CACNA1A: variants seen among roughly 807,000 people sequenced by gnomAD.
The protein encoded by CACNA1A is calcium voltage-gated channel subunit alpha1 A.
In CACNA1A, 57 loss-of-function variants were observed where a neutral mutation model predicts 262.4. That is an observed-to-expected ratio of 0.22 (90% confidence interval 0.18 to 0.27). The LOEUF (loss-of-function observed/expected upper bound fraction) is 0.27, where lower values mean the gene tolerates loss of function less well. CACNA1A is among the 10% of genes least tolerant of loss of function. The pLI, the probability that CACNA1A is intolerant of heterozygous loss-of-function variation, is 1.00. For synonymous variants in CACNA1A, 1,431 were observed against 1,419.3 expected, an observed-to-expected ratio of 1.01 and a Z score of -0.18; for missense variants, 2,526 against 3,562.8, an observed-to-expected ratio of 0.71 and a Z score of 7.41.
intron 29 of CACNA1A, among the ~76,000 whole-genome samples, chr19:13,254,809 C>T (rs891513100): frequency 4.6e-5 from 7 of 152,030 alleles, no homozygotes; most frequent in East Asian, 1.9e-4. Context: ...TTGTGGCAGG[C>T]GACATAAAGA....
At chr19:13,455,869 CAAAAAAAAA>C (rs766436872) in intron 1 of CACNA1A, among the ~76,000 whole-genome samples, 2 of 76,136 alleles carry the variant, frequency 2.6e-5, no homozygotes, top group Non-Finnish European at 2.9e-5. Context: ...GGCCCTGTCT[CAAAAAAAAA>C]AAAAAAAAAA....
chr19:13,428,551 CT>C (rs1414512905), intron 3 of CACNA1A, among the ~76,000 whole-genome samples: 1 of 152,180 alleles, frequency 6.6e-6, no homozygotes, highest in Non-Finnish European at 1.5e-5. Context: ...AGCAGGCCCC[CT>C]AGTGGGCATA....
At chr19:13,220,002 A>G (rs916741174) in intron 38 of CACNA1A, among the ~76,000 whole-genome samples, 2 of 151,882 alleles carry the variant, frequency 1.3e-5, no homozygotes, top group Admixed American at 6.6e-5. Context: ...TCACTCCTGT[A>G]ATCCCAGCAC....
At chr19:13,234,116 G>A (rs1460899888) in intron 34 of CACNA1A, among the ~76,000 whole-genome samples, 10 of 149,262 alleles carry the variant, frequency 6.7e-5, no homozygotes, top group Non-Finnish European at 1.5e-4. Flanking sequence ...TTGGGAGGCC[G>A]AGGCGGGCGG....
chr19:13,445,734 T>C (rs2060797871), intron 3 of CACNA1A, among the ~76,000 whole-genome samples: 1 of 152,278 alleles, frequency 6.6e-6, no homozygotes, highest in Non-Finnish European at 1.5e-5. Flanking sequence ...CTCTTACACA[T>C]TTTCAGTTTC....
At chr19:13,384,616 C>T (rs550951282) in intron 3 of CACNA1A, among the ~76,000 whole-genome samples, 1 of 152,290 alleles carries the variant, frequency 6.6e-6, no homozygotes, top group Non-Finnish European at 1.5e-5. Context: ...AGGAGAATCG[C>T]TTGAACCTGG....
intron 24 of CACNA1A, among the ~76,000 whole-genome samples, chr19:13,266,883 T>C (rs537970478): frequency 1.6e-4 from 25 of 152,306 alleles, no homozygotes; most frequent in African/African-American, 5.1e-4. Flanking sequence ...CCCACTTTCA[T>C]TGCTTCTGAT....
At chr19:13,280,678 C>G (rs189178407) in intron 22 of CACNA1A, among the ~76,000 whole-genome samples, 1 of 151,982 alleles carries the variant, frequency 6.6e-6, no homozygotes, top group Non-Finnish European at 1.5e-5. Context: ...TGGTGGCTCA[C>G]GCCTGTAATC....
intron 3 of CACNA1A, among the ~76,000 whole-genome samples, chr19:13,438,836 G>C (rs940729329): frequency 2.6e-5 from 4 of 152,144 alleles, no homozygotes; most frequent in Non-Finnish European, 5.9e-5. Flanking sequence ...CACTAAGACA[G>C]AGTTTTAAAA....
chr19:13,227,381 GA>G (rs761725528), intron 37 of CACNA1A, 49 bp downstream of exon 37: 24 of 573,500 alleles, frequency 4.2e-5, no homozygotes, highest in South Asian at 6.1e-5. Flanking sequence ...AGAAGAAGAA[GA>G]AAAAAAAACC....
chr19:13,461,715 C>T (rs2061127629), intron 1 of CACNA1A, among the ~76,000 whole-genome samples: 1 of 152,198 alleles, frequency 6.6e-6, no homozygotes, highest in African/African-American at 2.4e-5. Context: ...GTGAGCAATG[C>T]CTCTGTTAGC....
Position 13,456,332 on chromosome 19 carries a change from G to A in CACNA1A, c.294-1120C>T, listed in dbSNP as rs2061006186. 2.6e-5 allele frequency among the ~76,000 whole-genome samples: 4 copies of A among 152,150 alleles called. No individual in the cohort carries two copies. The South Asian group carries it at 8.3e-4, about 32-fold the overall frequency. ...TTAAAAGGCAAGTAACAGAATAGGA[G>A]AAGCTATTTGCAAATCATGTATCTG... is the stretch of plus-strand genomic sequence containing the variant. On this transcript the variant is annotated intron_variant, in intron 1 of 46. Coordinates refer to ENST00000360228, the MANE Select transcript of CACNA1A (RefSeq NM_001127222.2).
At chr19:13,310,814 G>A (rs542424948) in intron 12 of CACNA1A, among the ~76,000 whole-genome samples, 2 of 149,190 alleles carry the variant, frequency 1.3e-5, no homozygotes, top group South Asian at 2.1e-4. Context: ...TTTTTGAGAC[G>A]GAGTCTCATT....
chr19:13,329,953 T>G (rs2145113381), intron 10 of CACNA1A, among the ~76,000 whole-genome samples: 1 of 152,320 alleles, frequency 6.6e-6, no homozygotes, highest in African/African-American at 2.4e-5. Context: ...ACTTCCCGAA[T>G]GAGTCACAAA....
chr19:13,479,465 T>G (rs776626634), intron 1 of CACNA1A, among the ~76,000 whole-genome samples: 26 of 144,134 alleles, frequency 1.8e-4, no homozygotes, highest in Non-Finnish European at 2.6e-4. Context: ...TGAGGAAGAG[T>G]AAAGACAATG....
intron 3 of CACNA1A, among the ~76,000 whole-genome samples, chr19:13,419,950 G>A (rs1307341765): frequency 6.6e-6 from 1 of 151,856 alleles, no homozygotes; most frequent in Non-Finnish European, 1.5e-5. Context: ...GCTGGGTATG[G>A]TGGCGGACAC....
At position 13,214,834 on chromosome 19, in the gene CACNA1A, G is replaced by A. The variant is rs149500196; in HGVS notation, c.5732-226C>T. ...GGGGCCAGGACCATGGAGCAGCTGT[G>A]CAGGAGACAGCCCGGCATGGAGAAC... On this transcript the variant is annotated intron_variant, in intron 38 of 46. Transcript: ENST00000360228. This position sits in a 1 kb window ranked among gnomAD's most constrained non-coding sequence, Gnocchi z 4.1. The A allele has an allele frequency of 1.8e-6, 1 of 550,078 alleles. No homozygotes were observed. The highest frequency in any genetic ancestry group is 1.9e-5 in the African/African-American group (1 of 53,232). 34.1% of individuals were successfully genotyped at this position (550,078 alleles called of 1,614,324 possible). A position where few individuals can be genotyped will look rare whatever the true frequency, so the allele number is the denominator to read the frequency against.
intron 3 of CACNA1A, among the ~76,000 whole-genome samples, chr19:13,428,084 T>C (rs11085849): frequency 0.33 from 50,482 of 152,022 alleles, 9,564 homozygotes; most frequent in East Asian, 0.62. Context: ...CCTGCCACCA[T>C]GCCTGGCTAA....
At chr19:13,414,290 C>T (rs992083878) in intron 3 of CACNA1A, among the ~76,000 whole-genome samples, 14 of 152,106 alleles carry the variant, frequency 9.2e-5, no homozygotes, top group African/African-American at 3.4e-4. Context: ...CCCAGCTACT[C>T]AGAAGGCTGA....
Sources: allele counts gnomAD v4.1 joint callset (sites outside exome capture counted in the v4.1 genomes callset), GRCh38; gene constraint gnomAD v4.1.1; non-coding constraint Gnocchi (gnomAD v3.1); transcripts MANE v1.5; gene names NCBI Gene and HGNC (gene_info 2026-07-23, HGNC 2026-07-21).